The following PCSK5 variants were observed in gnomAD, a reference collection of about 807,000 sequenced individuals.
PCSK5 encodes the protein proprotein convertase subtilisin/kexin type 5.
In PCSK5, 129 loss-of-function variants were observed where a neutral mutation model predicts 233.2. The ratio of observed to expected loss-of-function variants is 0.55; its 90% CI spans 0.48 to 0.64. The LOEUF (loss-of-function observed/expected upper bound fraction) is 0.64, where lower values mean the gene tolerates loss of function less well. Among genes scored for constraint, PCSK5 ranks in the 30% least tolerant of loss-of-function variants. PCSK5 has a pLI of 0.00. For synonymous variants in PCSK5, 825 were observed against 879.2 expected (o/e 0.94, Z 1.09); for missense variants, 2,076 against 2,430.1 (o/e 0.85, Z 3.06).
Position 76,323,053 on chromosome 9 carries a change from G to T in PCSK5, c.4104G>T (p.Glu1368Asp), listed in dbSNP as rs767113323. The T allele has an allele frequency of 6.4e-7, 1 of 1,572,482 alleles. No homozygotes were observed. Among genetic ancestry groups the T allele is most frequent in the South Asian group, 1.1e-5 (1 of 87,832 alleles). The change falls in exon 32 of 38, where the codon GAG becomes GAT. Residue 1368 changes from glutamate (E) to aspartate (D), a missense_variant and splice_region_variant. By Grantham distance (45) the Glu-to-Asp change is conservative. This residue lies in a region of PCSK5 where 1,510 missense variants were observed against 1,538.1 expected (regional missense o/e 0.98). Coordinates refer to ENST00000674117, the MANE Select transcript of PCSK5 (RefSeq NM_001372043.1). ...CTTGCTGCTTCCTCCTTTTCCCAGA[G>T]TGCACGCCTGAGTTCTTCCTGCACG... ...QDCIHEKTCK[E>D]CTPEFFLHDD...
chr9:76,225,030 A>G (rs1825843995), intron 20 of PCSK5, among the ~76,000 whole-genome samples: 1 of 152,196 alleles, frequency 6.6e-6, no homozygotes, highest in South Asian at 2.1e-4. Context: ...ATGAGGATAG[A>G]TGAATATGAG....
At chr9:75,987,987 G>A (rs1826597672) in intron 3 of PCSK5, among the ~76,000 whole-genome samples, 2 of 152,284 alleles carry the variant, frequency 1.3e-5, no homozygotes, top group South Asian at 4.1e-4. Context: ...CATCACCCCA[G>A]CAGGGCAGAC....
chr9:76,240,142 T>C (rs188022859), intron 23 of PCSK5, among the ~76,000 whole-genome samples: 1 of 152,330 alleles, frequency 6.6e-6, no homozygotes, highest in African/African-American at 2.4e-5. Context: ...TTATGCCCGG[T>C]CTGGTGCTGA....
chr9:76,335,099 C>T (rs1035980304), intron 34 of PCSK5, among the ~76,000 whole-genome samples: 1 of 152,016 alleles, frequency 6.6e-6, no homozygotes, highest in African/African-American at 2.4e-5. Flanking sequence ...AACAAACAAA[C>T]AAAAACAGGA....
intron 16 of PCSK5, 68 bp from the exon 17 acceptor site, chr9:76,184,605 A>G (rs976585661): frequency 1.5e-5 from 15 of 1,008,260 alleles, no homozygotes; most frequent in African/African-American, 1.6e-5. Flanking sequence ...CAAGCATTAG[A>G]ACATCTCTGA....
intron 3 of PCSK5, among the ~76,000 whole-genome samples, chr9:76,016,820 A>G (rs1827966832): frequency 6.6e-6 from 1 of 152,232 alleles, no homozygotes; most frequent in Admixed American, 6.5e-5. Context: ...CCTAAAGACC[A>G]TCCAGTTATA....
At chr9:75,961,026 CA>C (rs1825331137) in intron 2 of PCSK5, among the ~76,000 whole-genome samples, 1 of 152,200 alleles carries the variant, frequency 6.6e-6, no homozygotes. Context: ...GGAATGGCAT[CA>C]AGTAACATCT....
At chr9:75,987,363 C>A (rs1297527903) in intron 3 of PCSK5, among the ~76,000 whole-genome samples, 1 of 152,164 alleles carries the variant, frequency 6.6e-6, no homozygotes, top group African/African-American at 2.4e-5. Context: ...TCCATCATGG[C>A]ACTTTACACT....
At chr9:76,036,745 G>A (rs1296310006) in intron 5 of PCSK5, among the ~76,000 whole-genome samples, 4 of 152,202 alleles carry the variant, frequency 2.6e-5, no homozygotes, top group South Asian at 2.1e-4. Flanking sequence ...ACTGAATGGC[G>A]GAATCGGAAT....
At chr9:76,061,954 G>A (rs1004009548) in intron 5 of PCSK5, among the ~76,000 whole-genome samples, 1 of 152,180 alleles carries the variant, frequency 6.6e-6, no homozygotes, top group East Asian at 1.9e-4. Context: ...AGAATGGGAA[G>A]ATAATTATGA....
chr9:75,929,485 G>A (rs1823676770), intron 1 of PCSK5, among the ~76,000 whole-genome samples: 1 of 151,428 alleles, frequency 6.6e-6, no homozygotes, highest in African/African-American at 2.5e-5. Flanking sequence ...CTTGCCTGGG[G>A]AGTTTTGGAA....
chr9:75,941,493 A>G (rs572674870), intron 2 of PCSK5, among the ~76,000 whole-genome samples: 1 of 152,056 alleles, frequency 6.6e-6, no homozygotes, highest in Non-Finnish European at 1.5e-5. Flanking sequence ...TGGAAACAGC[A>G]TGGGCTTGGA....
intron 10 of PCSK5, among the ~76,000 whole-genome samples, chr9:76,156,087 C>G (rs1430936940): frequency 6.6e-6 from 1 of 152,116 alleles, no homozygotes; most frequent in East Asian, 1.9e-4. Flanking sequence ...TAAAGTCATT[C>G]ATGTGATGAT....
intron 1 of PCSK5, among the ~76,000 whole-genome samples, chr9:75,899,547 A>AC (rs1825940890): frequency 1.3e-5 from 2 of 151,664 alleles, no homozygotes; most frequent in South Asian, 4.2e-4. Context: ...CCCTCTCCTC[A>AC]CCCCGGTAGT....
At chr9:75,956,306 T>C (rs1345012886) in intron 2 of PCSK5, among the ~76,000 whole-genome samples, 3 of 152,220 alleles carry the variant, frequency 2.0e-5, no homozygotes, top group Non-Finnish European at 2.9e-5. Context: ...TGATAACCTG[T>C]AGAGTGAGTA....
chr9:76,234,515 A>G (rs1322653606), intron 22 of PCSK5, among the ~76,000 whole-genome samples: 2 of 152,194 alleles, frequency 1.3e-5, no homozygotes, highest in Non-Finnish European at 2.9e-5. Context: ...TGAAGAACAC[A>G]TTGAGAGTAC....
chr9:76,198,081 A>G (rs2131264983), intron 20 of PCSK5, among the ~76,000 whole-genome samples: 1 of 152,366 alleles, frequency 6.6e-6, no homozygotes, highest in African/African-American at 2.4e-5. Flanking sequence ...AGATGCAGTT[A>G]TGCAGCCTCA....
At position 76,358,510 on chromosome 9, in the gene PCSK5, C is replaced by T; in HGVS notation, c.5255-3C>T. 1.2e-6 allele frequency: 2 copies of T among 1,604,778 alleles called. No homozygotes were observed. The highest frequency in any genetic ancestry group is 1.7e-6 in the Non-Finnish European group (2 of 1,173,180). On this transcript the variant is annotated splice_polypyrimidine_tract_variant and splice_region_variant and intron_variant, in intron 37 of 37. Coordinates refer to ENST00000674117, the MANE Select transcript of PCSK5 (RefSeq NM_001372043.1). ...CTCTTCCTTTGAGGTCTTCTTCCAA[C>T]AGACGAATGCATCCTTCGAACAAGC...
At chr9:76,203,149 T>C (rs890983930) in intron 20 of PCSK5, among the ~76,000 whole-genome samples, 3 of 152,110 alleles carry the variant, frequency 2.0e-5, no homozygotes, top group African/African-American at 7.2e-5. Context: ...TTCTGTTCCA[T>C]GTAAAGAGAA....
Sources: gnomAD v4.1 joint callset for allele counts (sites outside exome capture counted in the v4.1 genomes callset) on GRCh38, gnomAD v4.1.1 for gene constraint, gnomAD v4.1.1 regional missense constraint, MANE v1.5 for transcripts, NCBI Gene and HGNC (gene_info 2026-07-23, HGNC 2026-07-21) for gene names.